SGK1: variants seen among roughly 807,000 people sequenced by gnomAD.
SGK1 encodes serine/threonine-protein kinase Sgk1.
SGK1 carries 26 observed loss-of-function variants against 64.2 expected under a neutral mutation model. That is an observed-to-expected ratio of 0.40 (90% CI 0.30 to 0.56). SGK1 has a LOEUF of 0.56. Among genes scored for constraint, SGK1 ranks in the 20% least tolerant of loss-of-function variants. The probability of loss-of-function intolerance (pLI) is 0.38; values close to 1 mark genes in which losing one functional copy is unlikely to be tolerated. For synonymous variants in SGK1, 265 were observed against 239.7 expected, an observed-to-expected ratio of 1.11 and a Z score of -0.98; for missense variants, 519 against 645.6, an observed-to-expected ratio of 0.80 and a Z score of 2.12.
At chr6:134,273,414 C>T (rs976044203) in intron 1 of SGK1, among the ~76,000 whole-genome samples, 9 of 146,780 alleles carry the variant, frequency 6.1e-5, no homozygotes, top group African/African-American at 2.2e-4. Context: ...AACGGTGAAA[C>T]CCCGTCTCTA....
At position 134,306,135 on chromosome 6, in the gene SGK1, C is replaced by T. The variant is rs566573192; in HGVS notation, c.69+11257G>A. On this transcript the variant is annotated intron_variant, in intron 1 of 13. Coordinates refer to ENST00000367858, the MANE Select transcript of SGK1 (RefSeq NM_001143676.3). Reference sequence around the variant, plus strand: ...CTGACAGGTGCCATAAAAAATAGCACAAGGCCGGGCGCGGTGGCTCAAAGT... The same window carrying T: ...CTGACAGGTGCCATAAAAAATAGCATAAGGCCGGGCGCGGTGGCTCAAAGT... Among the ~76,000 whole-genome samples, 3 of 152,224 alleles carry T rather than the reference C, an allele frequency of 2.0e-5. No homozygotes were observed. In the East Asian group the frequency reaches 5.8e-4, roughly 29 times the overall value.
chr6:134,280,256 C>G (rs980504963), intron 1 of SGK1, among the ~76,000 whole-genome samples: 6 of 151,412 alleles, frequency 4.0e-5, no homozygotes. Flanking sequence ...TTCAAAGTGC[C>G]TTTTCTCTGT....
chr6:134,222,806 A>C (rs9402573), intron 2 of SGK1, among the ~76,000 whole-genome samples: 124,905 of 152,126 alleles, frequency 0.82, 51,861 homozygotes, highest in East Asian at 0.98. Flanking sequence ...GTTTTCTTGC[A>C]CTCATCAAAA....
intron 1 of SGK1, among the ~76,000 whole-genome samples, chr6:134,274,170 A>AT (rs1776984768): frequency 6.6e-6 from 1 of 151,304 alleles, no homozygotes; most frequent in Non-Finnish European, 1.5e-5. Context: ...CACCCGGCTA[A>AT]TTTTTTGTAT....
At chr6:134,204,347 G>C (rs1232400747) in intron 3 of SGK1, among the ~76,000 whole-genome samples, 1 of 151,292 alleles carries the variant, frequency 6.6e-6, no homozygotes, top group African/African-American at 2.4e-5. Context: ...AGCTCTTGTA[G>C]GAGGGACACT....
intron 2 of SGK1, among the ~76,000 whole-genome samples, chr6:134,208,157 C>T (rs1219772165): frequency 1.3e-5 from 2 of 152,100 alleles, no homozygotes; most frequent in East Asian, 3.9e-4. Flanking sequence ...AATGATCCGC[C>T]CACCTCGGCC....
At chr6:134,221,107 C>G (rs374361846) in intron 2 of SGK1, among the ~76,000 whole-genome samples, 1 of 151,412 alleles carries the variant, frequency 6.6e-6, no homozygotes, top group Non-Finnish European at 1.5e-5. Flanking sequence ...AGTTCGAAAC[C>G]AGCCTGGCCA....
At chr6:134,175,822 C>CT (rs1488299920) in intron 3 of SGK1, 1 of 1,251,440 alleles carries the variant, frequency 8.0e-7, no homozygotes, top group Non-Finnish European at 1.0e-6. Context: ...CCGAAAACGC[C>CT]TTTTTTGTGC....
intron 2 of SGK1, among the ~76,000 whole-genome samples, chr6:134,258,662 G>A (rs1776719787): frequency 1.3e-5 from 2 of 152,072 alleles, no homozygotes; most frequent in Non-Finnish European, 2.9e-5. Flanking sequence ...CCGAGATCGC[G>A]CCACTGCGCT....
chr6:134,174,876 C>T (rs1473468398), intron 3 of SGK1: 3 of 1,604,476 alleles, frequency 1.9e-6, no homozygotes, highest in South Asian at 1.1e-5. Context: ...CGCCAGGCCG[C>T]GCGCTCGGCC....
chr6:134,268,678 G>A (rs112757581), intron 1 of SGK1, among the ~76,000 whole-genome samples: 43 of 137,004 alleles, frequency 3.1e-4, no homozygotes, highest in African/African-American at 1.1e-3. Flanking sequence ...AGCTGAGATC[G>A]CGCCACTGCA....
chr6:134,242,341 C>T (rs1423828869), intron 2 of SGK1, among the ~76,000 whole-genome samples: 1 of 152,086 alleles, frequency 6.6e-6, no homozygotes, highest in Non-Finnish European at 1.5e-5. Context: ...AAAAAATTAG[C>T]CAAGTGTGGT....
intron 1 of SGK1, among the ~76,000 whole-genome samples, chr6:134,311,238 AG>A (rs2114802551): frequency 6.6e-6 from 1 of 152,350 alleles, no homozygotes; most frequent in South Asian, 2.1e-4. Flanking sequence ...GCAATGACTT[AG>A]GGGCAAGTAA....
chr6:134,187,202 C>T lies in SGK1; in HGVS notation c.362-12616G>A, dbSNP rs117483662. Among the ~76,000 whole-genome samples the T allele has an allele frequency of 2.6e-3, 397 of 152,316 alleles. 1 individual carries two copies. Among genetic ancestry groups the T allele is most frequent in the Non-Finnish European group, 4.1e-3 (282 of 68,028 alleles). On this transcript the variant is annotated intron_variant, in intron 3 of 13. Coordinates refer to ENST00000367858, the MANE Select transcript of SGK1 (RefSeq NM_001143676.3). ...TCAGTTACTCCAGCCAACATCATAA[C>T]TCCCTTCTTAGCTTTTTGATTCAGA...
At position 134,170,173 on chromosome 6, in the gene SGK1, G is replaced by C; in HGVS notation, c.*95C>G. 1 of 1,072,254 alleles carries C rather than the reference G, an allele frequency of 9.3e-7. No homozygotes were observed. The allele number at this position is 1,072,254 out of a possible 1,614,324, so 66.4% of individuals were successfully genotyped here. A position where few individuals can be genotyped will look rare whatever the true frequency, so the allele number is the denominator to read the frequency against. ...CTTCCAGAGATGTGCAAATTCTCTT[G>C]TAAGATGTCCTGTCAGCTGGCGGCT... On this transcript the variant is annotated 3_prime_UTR_variant, in exon 14 of 14. Coordinates refer to ENST00000367858, the MANE Select transcript of SGK1 (RefSeq NM_001143676.3).
At chr6:134,218,437 CT>C (rs71003680) in intron 2 of SGK1, among the ~76,000 whole-genome samples, 37 of 129,152 alleles carry the variant, frequency 2.9e-4, no homozygotes, top group Middle Eastern at 3.9e-3. Context: ...TTCTTTTTTT[CT>C]TTTTTTTTTT....
intron 3 of SGK1, among the ~76,000 whole-genome samples, chr6:134,179,855 A>G (rs1252094403): frequency 6.6e-6 from 1 of 152,222 alleles, no homozygotes; most frequent in Non-Finnish European, 1.5e-5. Context: ...GAGGGTAGGA[A>G]CAAGATTTGG....
chr6:134,199,722 AT>A (rs1205268970), intron 3 of SGK1, among the ~76,000 whole-genome samples: 1 of 151,956 alleles, frequency 6.6e-6, no homozygotes, highest in Non-Finnish European at 1.5e-5. Flanking sequence ...GAAAAATTAA[AT>A]TTTCTCCTCT....
intron 3 of SGK1, among the ~76,000 whole-genome samples, chr6:134,187,968 T>C (rs899704643): frequency 3.0e-4 from 45 of 152,168 alleles, no homozygotes; most frequent in Non-Finnish European, 5.9e-4. Flanking sequence ...TGCTGGCAGA[T>C]TGGGCACTCA....
Sources: gnomAD v4.1 joint callset for allele counts (sites outside exome capture counted in the v4.1 genomes callset) on GRCh38, gnomAD v4.1.1 for gene constraint, MANE v1.5 for transcripts, NCBI Gene and HGNC (gene_info 2026-07-23, HGNC 2026-07-21) for gene names.